Variants in KCNN2 observed in about 807,000 individuals in gnomAD.
KCNN2 encodes the protein potassium calcium-activated channel subfamily N member 2.
In KCNN2, 24 loss-of-function variants were observed where a neutral mutation model predicts 55.5. The observed-to-expected ratio is 0.43, with a 90% CI of 0.31 to 0.61. The LOEUF (loss-of-function observed/expected upper bound fraction) is 0.61. KCNN2 is among the 20% of genes least tolerant of loss of function. The probability of loss-of-function intolerance (pLI) is 0.08; values close to 1 mark genes in which losing one functional copy is unlikely to be tolerated. For missense variants in KCNN2, 754 were observed against 853.6 expected, an observed-to-expected ratio of 0.88 and a Z score of 1.45; for synonymous variants, 431 against 336.1, an observed-to-expected ratio of 1.28 and a Z score of -3.09.
At chr5:114,358,206 A>G (rs1030196835), upstream of KCNN2, among the ~76,000 whole-genome samples, 9 of 152,130 alleles carry the variant, frequency 5.9e-5, no homozygotes, top group East Asian at 1.7e-3. Context: ...TTCGCAACCT[A>G]CTCATCTGAC....
At chr5:114,100,255 A>C (rs1751346300) in intron 1 of KCNN2, among the ~76,000 whole-genome samples, 1 of 152,188 alleles carries the variant, frequency 6.6e-6, no homozygotes, top group South Asian at 2.1e-4. Flanking sequence ...TTATAAAATA[A>C]CTACAAAGAA....
chr5:114,403,618 G>C (rs1346314321), intron 2 of KCNN2, among the ~76,000 whole-genome samples: 1 of 152,148 alleles, frequency 6.6e-6, no homozygotes, highest in African/African-American at 2.4e-5. Flanking sequence ...CCAGGGCCTG[G>C]AGGACTTGTT....
intron 1 of KCNN2, among the ~76,000 whole-genome samples, chr5:114,077,843 G>A (rs1175182948): frequency 6.6e-6 from 1 of 152,178 alleles, no homozygotes; most frequent in Non-Finnish European, 1.5e-5. Flanking sequence ...AGAGAAGGGG[G>A]GTGGTGAAGA....
chr5:114,308,319 A>C (rs745423842), intron 2 of KCNN2, among the ~76,000 whole-genome samples: 1 of 152,152 alleles, frequency 6.6e-6, no homozygotes, highest in Non-Finnish European at 1.5e-5. Flanking sequence ...CCTTAAAGTC[A>C]GCTTGAGATG....
chr5:114,412,247 C>T (rs1759159301), intron 3 of KCNN2, among the ~76,000 whole-genome samples: 1 of 152,032 alleles, frequency 6.6e-6, no homozygotes, highest in African/African-American at 2.4e-5. Context: ...AAATGAATAC[C>T]CTTGTTCCTG....
chr5:114,089,142 T>C (rs916184369), intron 1 of KCNN2, among the ~76,000 whole-genome samples: 2 of 152,218 alleles, frequency 1.3e-5, no homozygotes, highest in African/African-American at 2.4e-5. Flanking sequence ...TAACTTTTTA[T>C]TGAATGCTAG....
chr5:114,112,834 A>G (rs1205134519), intron 1 of KCNN2, among the ~76,000 whole-genome samples: 1 of 152,074 alleles, frequency 6.6e-6, no homozygotes, highest in African/African-American at 2.4e-5. Flanking sequence ...AGGGCATATT[A>G]CTTCAAAATG....
At chr5:114,260,614 A>T (rs941293442) in intron 2 of KCNN2, among the ~76,000 whole-genome samples, 6 of 152,222 alleles carry the variant, frequency 3.9e-5, no homozygotes, top group African/African-American at 1.4e-4. Context: ...ATAGTGCATA[A>T]AACAATATGA....
At chr5:114,204,655 A>G (rs1251277959) in intron 1 of KCNN2, among the ~76,000 whole-genome samples, 2 of 152,214 alleles carry the variant, frequency 1.3e-5, no homozygotes, top group African/African-American at 4.8e-5. Flanking sequence ...TTTACACAGC[A>G]TACTCAGTAG....
chr5:114,095,998 T>C (rs1751247833), intron 1 of KCNN2, among the ~76,000 whole-genome samples: 2 of 152,144 alleles, frequency 1.3e-5, no homozygotes, highest in Non-Finnish European at 2.9e-5. Context: ...CTATAGAAAA[T>C]GCACCTATGG....
At chr5:114,152,079 A>G (rs1179882728) in intron 1 of KCNN2, among the ~76,000 whole-genome samples, 1 of 152,204 alleles carries the variant, frequency 6.6e-6, no homozygotes, top group African/African-American at 2.4e-5. Flanking sequence ...AAAACTAGGA[A>G]TTTGAAGCTC....
At chr5:114,166,401 A>G (rs898905513) in intron 1 of KCNN2, among the ~76,000 whole-genome samples, 2 of 152,144 alleles carry the variant, frequency 1.3e-5, no homozygotes, top group African/African-American at 2.4e-5. Flanking sequence ...CCTTCGCGGT[A>G]TGTCTCTGAT....
At chr5:114,128,209 AG>A (rs1379100452) in intron 1 of KCNN2, among the ~76,000 whole-genome samples, 1 of 152,190 alleles carries the variant, frequency 6.6e-6, no homozygotes, top group African/African-American at 2.4e-5. Flanking sequence ...AGACATACTC[AG>A]GACTGGGTAA....
intron 1 of KCNN2, among the ~76,000 whole-genome samples, chr5:114,120,539 A>G (rs2112595897): frequency 6.6e-6 from 1 of 152,178 alleles, no homozygotes; most frequent in East Asian, 1.9e-4. Context: ...TCATTTGTTC[A>G]CAAAGTATTG....
At position 114,253,211 on chromosome 5, in the gene KCNN2, A is replaced by G. The variant is rs1580663525; in HGVS notation, c.-185+31646A>G. ...TCTGGAATTATGGGGCAATGGACCT[A>G]GATATTTCTCCTAGTGCCTTCAACC... On this transcript the variant is annotated intron_variant, in intron 2 of 10. Coordinates refer to the KCNN2 transcript ENST00000512097. Among the ~76,000 whole-genome samples the G allele has an allele frequency of 2.7e-5, 4 of 149,512 alleles. No individual in the cohort carries two copies. In the South Asian group the frequency reaches 8.4e-4, roughly 31 times the overall value.
chr5:114,270,399 A>G (rs1165985792), intron 2 of KCNN2, among the ~76,000 whole-genome samples: 1 of 152,168 alleles, frequency 6.6e-6, no homozygotes, highest in Non-Finnish European at 1.5e-5. Flanking sequence ...TTCTCTACAT[A>G]GTAATACTTT....
intron 3 of KCNN2, among the ~76,000 whole-genome samples, chr5:114,435,195 C>T (rs1401839830): frequency 6.6e-6 from 1 of 151,030 alleles, no homozygotes; most frequent in Non-Finnish European, 1.5e-5. Flanking sequence ...AGTGAGTGCA[C>T]AGTCTCTAGC....
intron 3 of KCNN2, among the ~76,000 whole-genome samples, chr5:114,424,789 G>A (rs1759571679): frequency 6.6e-6 from 1 of 152,158 alleles, no homozygotes; most frequent in African/African-American, 2.4e-5. Flanking sequence ...AGGAGTCTAA[G>A]GTTTCTAACA....
chr5:114,094,593 C>T (rs1185373976), intron 1 of KCNN2, among the ~76,000 whole-genome samples: 1 of 152,154 alleles, frequency 6.6e-6, no homozygotes. Flanking sequence ...AGAAAAGGAA[C>T]AAGTAAAGTG....
Sources: gnomAD v4.1 joint callset for allele counts (sites outside exome capture counted in the v4.1 genomes callset) on GRCh38, gnomAD v4.1.1 for gene constraint, MANE v1.5 for transcripts, NCBI Gene and HGNC (gene_info 2026-07-23, HGNC 2026-07-21) for gene names.